APOL3: variants seen among roughly 807,000 people sequenced by gnomAD.
APOL3 encodes apolipoprotein L3, also known as TNF-inducible protein CG12-1.
In APOL3, 14 loss-of-function variants were observed where a neutral mutation model predicts 11.6. The ratio of observed to expected loss-of-function variants is 1.21; its 90% CI spans 0.80 to 1.89. The LOEUF (loss-of-function observed/expected upper bound fraction) is 1.89. Among genes scored for constraint, APOL3 ranks in the 40% most tolerant of loss-of-function variants. APOL3 has a pLI of 0.00. For missense variants in APOL3, 483 were observed against 492.1 expected, an observed-to-expected ratio of 0.98 and a Z score of 0.17; for synonymous variants, 192 against 190.6, an observed-to-expected ratio of 1.01 and a Z score of -0.06.
chr22:36,154,576 G>C lies in APOL3; in HGVS notation c.223+6093C>G, dbSNP rs1173024816. On this transcript the variant is annotated intron_variant, in intron 1 of 2. Coordinates refer to ENST00000349314, the Ensembl canonical transcript of APOL3. ...AAGTGTTGAGAATGAAGGAAGAGCT[G>C]CCACAGACATTTGGAAGCTGGCGTG... 4 of 470,000 alleles carry C rather than the reference G, an allele frequency of 8.5e-6. No homozygotes were observed. In the East Asian group the frequency reaches 2.8e-4, roughly 33 times the overall value. 29.1% of individuals were successfully genotyped at this position (470,000 alleles called of 1,614,324 possible).
At chr22:36,146,559 A>G (rs1200592306) in intron 1 of APOL3, among the ~76,000 whole-genome samples, 3 of 150,828 alleles carry the variant, frequency 2.0e-5, no homozygotes. Flanking sequence ...TATATAATAT[A>G]TATATACATA....
chr22:36,149,226 TC>T, intron 1 of APOL3, 84 bp from the exon 2 acceptor site: 2 of 1,308,298 alleles, frequency 1.5e-6, no homozygotes, highest in Non-Finnish European at 2.0e-6. Flanking sequence ...ATCTCTGCAA[TC>T]CCTTTGCGTG....
At chr22:36,165,841 G>C (rs994570035), upstream of APOL3, 1 of 152,160 alleles carries the variant, frequency 6.6e-6, no homozygotes, top group Non-Finnish European at 1.5e-5. Context: ...CAAAAATTTG[G>C]CTTTTTTTCT....
Position 36,141,205 on chromosome 22 carries a change from G to T in APOL3, c.1204C>A (p.His402Asn). ...CTGGCTGCACTGGTCTGGGGTCAGT[G>T]GGTATGGCATGGATTCAGACGCTGA... The change falls in exon 3 of 3, where the codon CAC becomes AAC. Residue 402 changes from histidine to asparagine, a missense_variant. Physicochemically the swap from His to Asn is moderately conservative, Grantham distance 68. Coordinates refer to ENST00000349314, the Ensembl canonical transcript of APOL3. The T allele has an allele frequency of 3.1e-6, 5 of 1,612,680 alleles. 1 individual carries two copies. The Admixed American group carries it at 5.0e-5, about 16-fold the overall frequency.
chr22:36,144,221 C>A (rs2060103967), intron 2 of APOL3, among the ~76,000 whole-genome samples: 1 of 152,124 alleles, frequency 6.6e-6, no homozygotes, highest in African/African-American at 2.4e-5. Context: ...ACCTTTCATG[C>A]CCTCAGTGCC....
At chr22:36,149,374 G>A (rs775157310) in intron 1 of APOL3, 9 of 1,306,232 alleles carry the variant, frequency 6.9e-6, no homozygotes, top group Non-Finnish European at 9.1e-6. Context: ...CTTTTGTCCT[G>A]TAGGGGTATG....
chr22:36,141,172 C>T, exon 3 of APOL3: 1 of 1,597,606 alleles, frequency 6.3e-7, no homozygotes, highest in South Asian at 1.1e-5. Context: ...TATGGCTCAC[C>T]TCCCCTGCTG....
chr22:36,157,679 G>A (rs893776650), intron 1 of APOL3, among the ~76,000 whole-genome samples: 1 of 152,220 alleles, frequency 6.6e-6, no homozygotes, highest in African/African-American at 2.4e-5. Context: ...AGCACGGTTT[G>A]CAATACTTAA....
In APOL3 at chr22:36,156,523, C is replaced by T. The variant is rs140564935; in HGVS notation, c.223+4146G>A. Among the ~76,000 whole-genome samples the T allele has an allele frequency of 5.3e-5, 8 of 152,280 alleles. No individual in the cohort carries two copies. In the East Asian group the frequency reaches 1.2e-3, roughly 22 times the overall value. On this transcript the variant is annotated intron_variant, in intron 1 of 2. Coordinates refer to ENST00000349314, the Ensembl canonical transcript of APOL3. ...CACCTTGGGTCCAGGTACACACTGA[C>T]GCCCTGCTTCCCTGCCTCCCAGAGC...
chr22:36,152,005 C>A (rs1018890381), intron 1 of APOL3, among the ~76,000 whole-genome samples: 15 of 144,874 alleles, frequency 1.0e-4, no homozygotes, highest in African/African-American at 3.5e-4. Context: ...TGTGTGTGTG[C>A]ACGCACACTC....
chr22:36,157,215 C>T (rs563368398), intron 1 of APOL3, among the ~76,000 whole-genome samples: 2 of 152,212 alleles, frequency 1.3e-5, no homozygotes, highest in Non-Finnish European at 2.9e-5. Context: ...TCCCCTCCCC[C>T]ACGGCAATGG....
intron 2 of APOL3, among the ~76,000 whole-genome samples, chr22:36,143,757 C>T (rs1235792865): frequency 1.3e-5 from 2 of 152,188 alleles, no homozygotes; most frequent in African/African-American, 4.8e-5. Flanking sequence ...TCACATGTCA[C>T]CAGCCAAACT....
intron 1 of APOL3, among the ~76,000 whole-genome samples, chr22:36,146,564 T>C (rs909898791): frequency 6.6e-6 from 1 of 150,478 alleles, no homozygotes; most frequent in Non-Finnish European, 1.5e-5. Context: ...AATATATATA[T>C]ACATAAGGGT....
chr22:36,156,299 G>A (rs145335613), intron 1 of APOL3, among the ~76,000 whole-genome samples: 2,183 of 152,144 alleles, frequency 0.014, 44 homozygotes, highest in African/African-American at 0.05. Context: ...GTCGTGCTAT[G>A]CTGCCCAGGC....
At chr22:36,153,363 C>T in intron 1 of APOL3, 2 of 456,016 alleles carry the variant, frequency 4.4e-6, no homozygotes, top group South Asian at 3.1e-5. Context: ...GAGAAATACA[C>T]CTGCCTCCTG....
chr22:36,145,938 C>T (rs1222831200), intron 1 of APOL3, among the ~76,000 whole-genome samples: 3 of 151,934 alleles, frequency 2.0e-5, no homozygotes, highest in African/African-American at 7.3e-5. Context: ...ACCCCGCCCT[C>T]GCTGTCTCTC....
intron 2 of APOL3, 24 bp downstream of exon 3, chr22:36,145,449 T>G: frequency 6.2e-7 from 1 of 1,612,282 alleles, no homozygotes; most frequent in Non-Finnish European, 8.5e-7. Context: ...GGGCGCCCCA[T>G]GGAGGTAACC....
At chr22:36,149,117 G>C (rs1361243290) in intron 1 of APOL3, 1 of 1,367,852 alleles carries the variant, frequency 7.3e-7, no homozygotes. Flanking sequence ...TGACCTGACT[G>C]GAAGGGTTCG....
At chr22:36,145,783 C>T (rs2060178660) in intron 1 of APOL3, among the ~76,000 whole-genome samples, 184 bp from the exon 3 acceptor site, 1 of 151,978 alleles carries the variant, frequency 6.6e-6, no homozygotes, top group South Asian at 2.1e-4. Context: ...GACCCTAAAC[C>T]CCAGTAACTA....
Sources: allele counts gnomAD v4.1 joint callset (sites outside exome capture counted in the v4.1 genomes callset), GRCh38; gene constraint gnomAD v4.1.1; transcripts MANE v1.5; gene names NCBI Gene and HGNC (gene_info 2026-07-23, HGNC 2026-07-21).